ENTPD1: variants seen among roughly 807,000 people sequenced by gnomAD.
ENTPD1 encodes the protein ATP diphosphohydrolase.
ENTPD1 carries 33 observed loss-of-function variants against 57.0 expected under a neutral mutation model. The ratio of observed to expected loss-of-function variants is 0.58; its 90% CI spans 0.44 to 0.77. The LOEUF is 0.77. Among genes scored for constraint, ENTPD1 ranks in the 30% least tolerant of loss-of-function variants. The probability of loss-of-function intolerance (pLI) is 0.00; values close to 1 mark genes in which losing one functional copy is unlikely to be tolerated. For missense variants in ENTPD1, 501 were observed against 603.4 expected, an observed-to-expected ratio of 0.83 and a Z score of 1.78; for synonymous variants, 202 against 218.8, an observed-to-expected ratio of 0.92 and a Z score of 0.68.
intron 1 of ENTPD1, among the ~76,000 whole-genome samples, chr10:95,771,185 A>G (rs1174096212): frequency 6.6e-6 from 1 of 152,204 alleles, no homozygotes; most frequent in Non-Finnish European, 1.5e-5. Context: ...TAATGGCTGC[A>G]TATAATATTC....
At chr10:95,712,021 C>A in intron 1 of ENTPD1, 1 of 1,610,236 alleles carries the variant, frequency 6.2e-7, no homozygotes, top group South Asian at 1.1e-5. Context: ...GTCAGGCTCC[C>A]GGCCTCTCTC....
intron 1 of ENTPD1, among the ~76,000 whole-genome samples, chr10:95,790,856 C>T (rs528252608): frequency 5.0e-4 from 76 of 152,102 alleles, no homozygotes; most frequent in Non-Finnish European, 9.4e-4. Flanking sequence ...TTGAAATCTA[C>T]CTTGAAGAAA....
At chr10:95,846,845 C>T (rs7083411) in intron 6 of ENTPD1, among the ~76,000 whole-genome samples, 81,113 of 151,680 alleles carry the variant, frequency 0.53, 22,129 homozygotes, top group Admixed American at 0.63. Context: ...AAAAATTAGC[C>T]GGGTGTGGTG....
chr10:95,781,786 T>C (rs1246842093), intron 1 of ENTPD1, among the ~76,000 whole-genome samples: 2 of 152,136 alleles, frequency 1.3e-5, no homozygotes, highest in Admixed American at 6.6e-5. Flanking sequence ...GATTCTCCCA[T>C]AGGTGATGTT....
chr10:95,817,377 A>G (rs1301573591), intron 1 of ENTPD1, among the ~76,000 whole-genome samples: 2 of 152,156 alleles, frequency 1.3e-5, no homozygotes, highest in African/African-American at 4.8e-5. Context: ...GCACATCATT[A>G]CCACAAGAGG....
chr10:95,825,681 C>T (rs1462681247), intron 2 of ENTPD1, among the ~76,000 whole-genome samples: 2 of 152,132 alleles, frequency 1.3e-5, no homozygotes, highest in East Asian at 1.9e-4. Context: ...GGGTTCACGT[C>T]GTTCTCCTGC....
intron 1 of ENTPD1, among the ~76,000 whole-genome samples, chr10:95,796,689 A>G (rs1282610878): frequency 2.0e-5 from 3 of 152,152 alleles, no homozygotes; most frequent in African/African-American, 7.2e-5. Context: ...TAGGATGACT[A>G]TGTTAGCTTT....
the ENTPD1 span, among the ~76,000 whole-genome samples, chr10:95,694,602 GGAGA>G: frequency 6.6e-6 from 1 of 151,964 alleles, no homozygotes; most frequent in Non-Finnish European, 1.5e-5. Context: ...GAGAAAATAG[GGAGA>G]GAAAGAATAA....
chr10:95,818,322 C>T (rs1342417099), intron 1 of ENTPD1, among the ~76,000 whole-genome samples: 4 of 152,096 alleles, frequency 2.6e-5, no homozygotes, highest in African/African-American at 7.2e-5. Flanking sequence ...TCATCTTGGA[C>T]CCAAACAGAT....
chr10:95,732,925 G>A (rs1398351838), intron 1 of ENTPD1, among the ~76,000 whole-genome samples: 1 of 152,096 alleles, frequency 6.6e-6, no homozygotes, highest in Non-Finnish European at 1.5e-5. Flanking sequence ...CACAGGACGG[G>A]GGCGAAATTA....
intron 1 of ENTPD1, among the ~76,000 whole-genome samples, chr10:95,797,396 A>T (rs1056029654): frequency 6.6e-5 from 10 of 152,148 alleles, no homozygotes; most frequent in Admixed American, 3.3e-4. Flanking sequence ...AAGACTGGGG[A>T]CTTGTCATCA....
chr10:95,836,363 G>A (rs1222651175), intron 2 of ENTPD1, among the ~76,000 whole-genome samples: 1 of 151,408 alleles, frequency 6.6e-6, no homozygotes, highest in African/African-American at 2.4e-5. Context: ...GATTTCTTTG[G>A]GCAATACGAC....
At chr10:95,845,722 T>C (rs1273157916) in intron 6 of ENTPD1, 126 bp downstream of exon 6, 3 of 1,541,474 alleles carry the variant, frequency 1.9e-6, no homozygotes, top group Non-Finnish European at 1.8e-6. Flanking sequence ...CAAACCTTTT[T>C]AGGCAGGATA....
chr10:95,860,399 G>A lies in ENTPD1; in HGVS notation c.1075-70G>A, dbSNP rs949531034. The A allele has an allele frequency of 1.6e-5, 20 of 1,264,764 alleles. No individual in the cohort carries two copies. The East Asian group carries it at 2.8e-4, about 18-fold the overall frequency. 78.3% of individuals were successfully genotyped at this position (1,264,764 alleles called of 1,614,324 possible). A position where few individuals can be genotyped will look rare whatever the true frequency, so the allele number is the denominator to read the frequency against. On this transcript the variant is annotated intron_variant, in intron 7 of 9. Transcript: ENST00000371205. Reference sequence around the variant, plus strand: ...TTCCAGGCACCTGCACAAGGGATGCGGCCTTTAGGAGAGCAAGTTGGCATC... The same window carrying A: ...TTCCAGGCACCTGCACAAGGGATGCAGCCTTTAGGAGAGCAAGTTGGCATC...
At chr10:95,823,090 C>A in intron 1 of ENTPD1, 147 bp from the exon 2 acceptor site, 1 of 879,004 alleles carries the variant, frequency 1.1e-6, no homozygotes, top group Non-Finnish European at 1.8e-6. Flanking sequence ...CCCAATTACT[C>A]TGTAAGTACC....
chr10:95,825,999 T>TGACAATTATTTATTACACTCCA (rs1380528760), intron 2 of ENTPD1, among the ~76,000 whole-genome samples: 1 of 152,222 alleles, frequency 6.6e-6, no homozygotes, highest in Non-Finnish European at 1.5e-5. Flanking sequence ...CCAGTCTGGC[T>TGACAATTATTTATTACACTCCA]GACAGAGTAA....
intron 2 of ENTPD1, among the ~76,000 whole-genome samples, chr10:95,831,584 T>C (rs953797895): frequency 6.6e-6 from 1 of 152,256 alleles, no homozygotes; most frequent in African/African-American, 2.4e-5. Flanking sequence ...CCTGCCTTAG[T>C]GACAAATTGA....
At chr10:95,815,093 C>T (rs2098325509) in intron 1 of ENTPD1, among the ~76,000 whole-genome samples, 1 of 152,186 alleles carries the variant, frequency 6.6e-6, no homozygotes. Context: ...AATTAAACTG[C>T]TTTATCCTTG....
chr10:95,852,974 A>T (rs574931228), intron 7 of ENTPD1, among the ~76,000 whole-genome samples: 9 of 152,292 alleles, frequency 5.9e-5, no homozygotes, highest in African/African-American at 2.2e-4. Flanking sequence ...GAAGAAAGTT[A>T]TTGGTAGCTT....
Sources: allele counts gnomAD v4.1 joint callset (sites outside exome capture counted in the v4.1 genomes callset), GRCh38; gene constraint gnomAD v4.1.1; transcripts MANE v1.5; gene names NCBI Gene and HGNC (gene_info 2026-07-23, HGNC 2026-07-21).